CDC20B: variants seen among roughly 807,000 people sequenced by gnomAD.
CDC20B encodes the protein cell division cycle 20B.
A neutral mutation model predicts 64.1 loss-of-function variants in CDC20B; 58 were observed. The ratio of observed to expected loss-of-function variants is 0.90; its 90% CI spans 0.73 to 1.13. The LOEUF (loss-of-function observed/expected upper bound fraction) is 1.13. Among genes scored for constraint, CDC20B ranks in the 50% most tolerant of loss-of-function variants. The pLI is 0.00. For synonymous variants in CDC20B, 243 were observed against 230.6 expected, an observed-to-expected ratio of 1.05 and a Z score of -0.49; for missense variants, 597 against 633.0, an observed-to-expected ratio of 0.94 and a Z score of 0.61.
intron 2 of CDC20B, among the ~76,000 whole-genome samples, chr5:55,150,111 A>G (rs1321795596): frequency 1.3e-5 from 2 of 152,188 alleles, no homozygotes; most frequent in African/African-American, 4.8e-5. Context: ...CAGCCTGGGC[A>G]ACAAGAGTGA....
Position 55,127,390 on chromosome 5 carries a change from T to G in CDC20B, c.895-39A>C, listed in dbSNP as rs754755397. 3 of 1,517,718 alleles carry G rather than the reference T, an allele frequency of 2.0e-6. No individual in the cohort carries two copies. In the African/African-American group the frequency reaches 4.1e-5, roughly 21 times the overall value. 94.0% of individuals were successfully genotyped at this position (1,517,718 alleles called of 1,614,324 possible). A position where few individuals can be genotyped will look rare whatever the true frequency, so the allele number is the denominator to read the frequency against. Reference sequence around the variant, plus strand: ...CAAGGAGAGTTATGTAGCATTGGAGTTTTCACAGCCCACTGTCTTCTCAAA... The same window carrying G: ...CAAGGAGAGTTATGTAGCATTGGAGGTTTCACAGCCCACTGTCTTCTCAAA... On this transcript the variant is annotated intron_variant, in intron 7 of 11. Transcript: ENST00000381375.
intron 11 of CDC20B, among the ~76,000 whole-genome samples, chr5:55,115,896 A>G (rs767428387): frequency 4.6e-5 from 7 of 152,100 alleles, no homozygotes; most frequent in African/African-American, 9.7e-5. Context: ...ACACACACGC[A>G]CACACACACC....
At chr5:55,160,915 T>G (rs1486835634) in intron 2 of CDC20B, 2 of 1,447,168 alleles carry the variant, frequency 1.4e-6, no homozygotes, top group Non-Finnish European at 1.9e-6. Context: ...CCCAAATTGT[T>G]TAGGATTTTA....
rs1554050524 is a variant in CDC20B, at chr5:55,146,671, T to C, written c.312A>G (p.Gly104=). The change falls in exon 3 of 12, where the codon GGA becomes GGG. Residue 104 remains glycine, a synonymous_variant. Coordinates refer to ENST00000381375, the MANE Select transcript of CDC20B (RefSeq NM_001170402.1). ...TCTCAGGCGGTGTCTTCAGCACTGATCCGGAAGCTTCTGGGAGGTAGGTGG... is the reference window on the plus strand; with the variant it reads ...TCTCAGGCGGTGTCTTCAGCACTGACCCGGAAGCTTCTGGGAGGTAGGTGG... ...QSTTYLPEAS[G]SVLKTPPEKE... 3 of 1,614,178 alleles carry C rather than the reference T, an allele frequency of 1.9e-6. No individual in the cohort carries two copies. In the South Asian group the frequency reaches 3.3e-5, roughly 18 times the overall value.
chr5:55,148,646 C>T (rs1382563074), intron 2 of CDC20B, among the ~76,000 whole-genome samples: 6 of 152,082 alleles, frequency 3.9e-5, no homozygotes, highest in Non-Finnish European at 7.4e-5. Flanking sequence ...TGCAGTGAGC[C>T]GCATTGGCGC....
chr5:55,129,740 A>G (rs1742982095), intron 6 of CDC20B, among the ~76,000 whole-genome samples: 1 of 152,366 alleles, frequency 6.6e-6, no homozygotes, highest in East Asian at 1.9e-4. Flanking sequence ...ATCCACATGT[A>G]TGAGATACAG....
chr5:55,130,543 C>A (rs1244055765), intron 6 of CDC20B, among the ~76,000 whole-genome samples: 1 of 152,116 alleles, frequency 6.6e-6, no homozygotes, highest in Non-Finnish European at 1.5e-5. Context: ...GATCTTTCAA[C>A]CCAGAATTCT....
intron 2 of CDC20B, among the ~76,000 whole-genome samples, chr5:55,155,952 C>T (rs1343159619): frequency 1.3e-5 from 2 of 152,148 alleles, no homozygotes; most frequent in East Asian, 1.9e-4. Flanking sequence ...TGCCTCCTCA[C>T]GAATGAAACC....
At chr5:55,147,577 G>GTTAT (rs944300232) in intron 2 of CDC20B, among the ~76,000 whole-genome samples, 7 of 149,346 alleles carry the variant, frequency 4.7e-5, no homozygotes, top group African/African-American at 1.7e-4. Flanking sequence ...TGTGTAAAAT[G>GTTAT]TTATTTTTTT....
Position 55,143,649 on chromosome 5 carries a change from A to G in CDC20B, c.356-6T>C, listed in dbSNP as rs1743392182. 6.4e-7 allele frequency: 1 copy of G among 1,573,384 alleles called. No homozygotes were observed. On this transcript the variant is annotated splice_polypyrimidine_tract_variant and splice_region_variant and intron_variant, in intron 3 of 11. Coordinates refer to ENST00000381375, the MANE Select transcript of CDC20B (RefSeq NM_001170402.1). ...CAGTTGTTCTTTGCGGGATCCTACAAGAAAGACATTTATCTTTGAATTTGG... is the reference window on the plus strand; with the variant it reads ...CAGTTGTTCTTTGCGGGATCCTACAGGAAAGACATTTATCTTTGAATTTGG...
At position 55,124,954 on chromosome 5, in the gene CDC20B, T is replaced by C; in HGVS notation, c.1064A>G (p.Lys355Arg). 1.2e-6 allele frequency: 2 copies of C among 1,614,200 alleles called. No homozygotes were observed. The highest frequency in any genetic ancestry group is 1.3e-5 in the African/African-American group (1 of 75,042). The change falls in exon 9 of 12, where the codon AAG (lysine) becomes AGG (arginine). Residue 355 changes from lysine to arginine, a missense_variant. Around this residue, in one of 3 missense-constraint regions of CDC20B, gnomAD observed 353 missense variants for 397.0 expected, o/e 0.89. Transcript: ENST00000381375. Reference sequence around the variant, plus strand: ...CCACTTCAGAGCACACACAGCTTGCTTGTGGCGAAGTGTTCCAACATGATG... The same window carrying C: ...CCACTTCAGAGCACACACAGCTTGCCTGTGGCGAAGTGTTCCAACATGATG... The part of the protein sequence containing the change: ...AQHHVGTLRH[K>R]QAVCALKWSP...
chr5:55,125,118 T>G, intron 8 of CDC20B, 90 bp from the exon 9 acceptor site: 2 of 1,006,280 alleles, frequency 2.0e-6, no homozygotes, highest in Non-Finnish European at 3.0e-6. Flanking sequence ...GTAAAACTTC[T>G]GAAAGACCCC....
Position 55,162,868 on chromosome 5 carries a change from G to C in CDC20B, c.126+9720C>G, listed in dbSNP as rs540454046. On this transcript the variant is annotated intron_variant, in intron 2 of 11. Coordinates refer to ENST00000381375, the MANE Select transcript of CDC20B (RefSeq NM_001170402.1). ...GTGAGTTAAGGTGTCATTCCACTTA[G>C]ATAGGAAGGATCATAGAGCCCAAAG... is the stretch of plus-strand genomic sequence containing the variant. Among the ~76,000 whole-genome samples, 10 of 152,292 alleles carry C rather than the reference G, an allele frequency of 6.6e-5. 1 individual carries two copies. The South Asian group carries it at 2.1e-3, about 32-fold the overall frequency.
intron 2 of CDC20B, among the ~76,000 whole-genome samples, chr5:55,162,730 A>T (rs1744147259): frequency 6.6e-6 from 1 of 152,250 alleles, no homozygotes; most frequent in African/African-American, 2.4e-5. Context: ...TGAACTAATC[A>T]TTCTTCAGTT....
chr5:55,146,933 C>T (rs1324394912), intron 2 of CDC20B, 77 bp from the exon 3 acceptor site: 6 of 936,528 alleles, frequency 6.4e-6, no homozygotes, highest in Non-Finnish European at 1.0e-5. Flanking sequence ...AAGAGAATTA[C>T]AAATGACTCA....
At position 55,127,275 on chromosome 5, in the gene CDC20B, T is replaced by A; in HGVS notation, c.971A>T (p.Asn324Ile). 2.5e-6 allele frequency: 4 copies of A among 1,614,082 alleles called. No homozygotes were observed. Among genetic ancestry groups the A allele is most frequent in the Non-Finnish European group, 3.4e-6 (4 of 1,179,940 alleles). Residue 324 changes from asparagine (N) to isoleucine (I), a missense_variant, in exon 8 of 12, where the codon AAT becomes ATT. By Grantham distance (149) the Asn-to-Ile change is moderately radical. Transcript: ENST00000381375. ...TTCTTACCTGCTGAGGATAAAGTGA[T>A]TCCAGCTCAGAGCCCCAACTACTGA... is the stretch of plus-strand genomic sequence containing the variant. ...HLSVVGALSW[N>I]HFILSSGSRL...
chr5:55,125,366 G>A (rs1293543937), intron 8 of CDC20B, among the ~76,000 whole-genome samples: 1 of 152,136 alleles, frequency 6.6e-6, no homozygotes, highest in Non-Finnish European at 1.5e-5. Flanking sequence ...CAGGACCTAG[G>A]AAATATTAAC....
chr5:55,143,994 GAA>G (rs3068520), intron 3 of CDC20B, among the ~76,000 whole-genome samples: 9,352 of 136,940 alleles, frequency 0.068, 822 homozygotes, highest in African/African-American at 0.21. Context: ...TCTCTGTATG[GAA>G]AAAAAAAAAA....
chr5:55,144,575 G>A (rs1282003491), intron 3 of CDC20B, among the ~76,000 whole-genome samples: 1 of 152,092 alleles, frequency 6.6e-6, no homozygotes, highest in African/African-American at 2.4e-5. Context: ...TTACATTTAG[G>A]GAGAAGAAGG....
Sources: allele counts gnomAD v4.1 joint callset (sites outside exome capture counted in the v4.1 genomes callset), GRCh38; gene constraint gnomAD v4.1.1; regional missense constraint gnomAD v4.1.1; transcripts MANE v1.5; gene names NCBI Gene and HGNC (gene_info 2026-07-23, HGNC 2026-07-21).